LRPPRC: variants seen among roughly 807,000 people sequenced by gnomAD.
LRPPRC encodes the protein leucine rich pentatricopeptide repeat containing.
LRPPRC carries 120 observed loss-of-function variants against 180.3 expected under a neutral mutation model. The observed-to-expected ratio is 0.67, with a 90% CI of 0.57 to 0.77. The LOEUF is 0.77. Ranked by LOEUF, LRPPRC falls within the 30% of genes least tolerant of loss-of-function variation. LRPPRC has a pLI of 0.00. For missense variants in LRPPRC, 2,012 were observed against 1,657.2 expected, an observed-to-expected ratio of 1.21 and a Z score of -3.72; for synonymous variants, 723 against 600.0, an observed-to-expected ratio of 1.21 and a Z score of -3.00.
chr2:43,893,464 A>G (rs1204739162), intron 36 of LRPPRC, among the ~76,000 whole-genome samples: 2 of 152,256 alleles, frequency 1.3e-5, no homozygotes, highest in African/African-American at 4.8e-5. Flanking sequence ...ATCATTCAGC[A>G]GCCATCAACA....
chr2:43,984,766 A>C (rs1409400538), intron 1 of LRPPRC, among the ~76,000 whole-genome samples: 6 of 152,184 alleles, frequency 3.9e-5, no homozygotes, highest in Admixed American at 3.9e-4. Context: ...GGCTTGCACA[A>C]GCTGGAGCTC....
intron 24 of LRPPRC, 100 bp from the exon 25 acceptor site, chr2:43,934,396 A>G (rs1009453742): frequency 1.5e-6 from 1 of 663,294 alleles, no homozygotes; most frequent in Non-Finnish European, 2.7e-6. Context: ...AATTTATTTT[A>G]AAAACAAATA....
At chr2:43,969,628 T>C (rs1353840929) in intron 11 of LRPPRC, among the ~76,000 whole-genome samples, 2 of 152,082 alleles carry the variant, frequency 1.3e-5, no homozygotes, top group Non-Finnish European at 2.9e-5. Flanking sequence ...AGTCACTAAA[T>C]TTAAAGGAAA....
chr2:43,931,507 G>A (rs1672086725), intron 25 of LRPPRC, among the ~76,000 whole-genome samples: 1 of 152,160 alleles, frequency 6.6e-6, no homozygotes, highest in Non-Finnish European at 1.5e-5. Flanking sequence ...TGCTGCCTCA[G>A]GGCCCTCACA....
intron 34 of LRPPRC, among the ~76,000 whole-genome samples, chr2:43,898,061 T>C (rs1670749267): frequency 8.1e-6 from 1 of 123,926 alleles, no homozygotes; most frequent in African/African-American, 3.5e-5. Context: ...AACTGCCTTT[T>C]CCTTAAAATT....
intron 7 of LRPPRC, 92 bp from the exon 8 acceptor site, chr2:43,974,850 G>T: frequency 6.2e-6 from 8 of 1,300,338 alleles, no homozygotes; most frequent in Non-Finnish European, 8.9e-6. Context: ...AAAAAACTAG[G>T]GAAAAATACC....
At chr2:43,990,230 A>G (rs1674714514) in intron 1 of LRPPRC, among the ~76,000 whole-genome samples, 1 of 152,122 alleles carries the variant, frequency 6.6e-6, no homozygotes, top group Non-Finnish European at 1.5e-5. Context: ...AAAAAAAAAG[A>G]AAGTAATCAG....
At chr2:43,933,479 T>A (rs1672161642) in intron 25 of LRPPRC, among the ~76,000 whole-genome samples, 1 of 152,210 alleles carries the variant, frequency 6.6e-6, no homozygotes, top group Non-Finnish European at 1.5e-5. Flanking sequence ...TGAAATAATT[T>A]TTCTTAAGGC....
intron 12 of LRPPRC, 163 bp downstream of exon 12, chr2:43,963,425 T>G (rs1354060431): frequency 1.5e-6 from 1 of 658,662 alleles, no homozygotes; most frequent in Non-Finnish European, 2.7e-6. Context: ...GCCTGGGCAA[T>G]GAGAGAGAAA....
rs566996549 is a variant in LRPPRC, at chr2:43,888,656, C to T, written c.4129G>A (p.Glu1377Lys). Residue 1377 changes from glutamate (E) to lysine (K), a missense_variant and splice_region_variant, in exon 38 of 38, where the codon GAA becomes AAA. By Grantham distance (56) the Glu-to-Lys change is moderately conservative. Coordinates refer to ENST00000260665, the MANE Select transcript of LRPPRC (RefSeq NM_133259.4). ...TGCTGTGCATAAAATTCAAAGCTTTCCTGTTAAGGAGAAAAAAAGAGGGAA... is the reference window on the plus strand; with the variant it reads ...TGCTGTGCATAAAATTCAAAGCTTTTCTGTTAAGGAGAAAAAAAGAGGGAA... ...GEPVPFIEPP[E>K]SFEFYAQQLR... is the part of the protein sequence containing the mutation. 4 of 1,580,602 alleles carry T rather than the reference C, an allele frequency of 2.5e-6. No individual in the cohort carries two copies. In the African/African-American group the frequency reaches 4.0e-5, roughly 16 times the overall value.
intron 13 of LRPPRC, among the ~76,000 whole-genome samples, chr2:43,957,799 G>C (rs987495907): frequency 1.3e-5 from 2 of 152,232 alleles, no homozygotes; most frequent in Admixed American, 1.3e-4. Context: ...CATGAAGAGA[G>C]AGACTGTAAT....
intron 12 of LRPPRC, among the ~76,000 whole-genome samples, chr2:43,962,710 A>T (rs776699262): frequency 3.3e-5 from 5 of 152,230 alleles, no homozygotes; most frequent in Admixed American, 1.3e-4. Flanking sequence ...GTAGAAAAAC[A>T]AAGGTTTGAA....
chr2:43,932,123 CAAAAAAAAAAAAAAA>C (rs746600862), intron 25 of LRPPRC, among the ~76,000 whole-genome samples: 11 of 20,846 alleles, frequency 5.3e-4, no homozygotes, highest in East Asian at 2.1e-3. Flanking sequence ...GACCCTGTCT[CAAAAAAAAAAAAAAA>C]AAAAAAAAAA....
At chr2:43,925,787 CA>C in intron 26 of LRPPRC, 105 bp downstream of exon 26, 1 of 790,700 alleles carries the variant, frequency 1.3e-6, no homozygotes, top group South Asian at 1.4e-5. Flanking sequence ...ACACTGCTTC[CA>C]CAATGCCCTG....
In LRPPRC at chr2:43,979,808, A is replaced by G. The variant is rs764300733; in HGVS notation, c.469+18T>C. 1 of 1,610,714 alleles carries G rather than the reference A, an allele frequency of 6.2e-7. No homozygotes were observed. Among genetic ancestry groups the G allele is most frequent in the South Asian group, 1.1e-5 (1 of 90,996 alleles). Reference sequence around the variant, plus strand: ...CATCTACACCTTTTATACACATCATATATTTAAACAATCATACCTAATTTC... The same window carrying G: ...CATCTACACCTTTTATACACATCATGTATTTAAACAATCATACCTAATTTC... On this transcript the variant is annotated intron_variant, in intron 3 of 37. Coordinates refer to ENST00000260665, the MANE Select transcript of LRPPRC (RefSeq NM_133259.4).
intron 8 of LRPPRC, 50 bp from the exon 9 acceptor site, chr2:43,974,345 T>G: frequency 7.5e-7 from 1 of 1,340,560 alleles, no homozygotes. Flanking sequence ...ACAATATTTT[T>G]ACACTGCAAC....
At chr2:43,966,941 C>T (rs929454720) in intron 11 of LRPPRC, among the ~76,000 whole-genome samples, 3 of 151,840 alleles carry the variant, frequency 2.0e-5, no homozygotes, top group Non-Finnish European at 4.4e-5. Context: ...ATCCCAGCTA[C>T]TAGAGAGGCT....
At chr2:43,975,511 T>C (rs995609690) in intron 6 of LRPPRC, among the ~76,000 whole-genome samples, 1 of 152,176 alleles carries the variant, frequency 6.6e-6, no homozygotes, top group Non-Finnish European at 1.5e-5. Flanking sequence ...GAATAACATT[T>C]AGTAAATTAC....
chr2:43,894,583 T>A lies in LRPPRC; in HGVS notation c.3947A>T (p.Glu1316Val). The change falls in exon 36 of 38, where the codon GAA (glutamate) becomes GTA (valine). Residue 1316 changes from glutamate to valine, a missense_variant. Transcript: ENST00000260665. ...SVLELIPELN[E>V]KEEAYNSLMK... ...GAGGGAATTGTATGCTTCTTCCTTT[T>A]CATTTAATTCAGGAATCAATTCTAA... 1 of 1,573,220 alleles carries A rather than the reference T, an allele frequency of 6.4e-7. No homozygotes were observed. The highest frequency in any genetic ancestry group is 8.7e-7 in the Non-Finnish European group (1 of 1,143,054).
Sources: gnomAD v4.1 joint callset for allele counts (sites outside exome capture counted in the v4.1 genomes callset) on GRCh38, gnomAD v4.1.1 for gene constraint, MANE v1.5 for transcripts, NCBI Gene and HGNC (gene_info 2026-07-23, HGNC 2026-07-21) for gene names.